KCNJ3: variants seen among roughly 807,000 people sequenced by gnomAD.
KCNJ3 encodes potassium inwardly rectifying channel subfamily J member 3.
KCNJ3 carries 4 observed loss-of-function variants against 39.2 expected under a neutral mutation model. That is an observed-to-expected ratio of 0.10 (90% confidence interval 0.05 to 0.23). The LOEUF (loss-of-function observed/expected upper bound fraction) is 0.23. KCNJ3 is among the 10% of genes least tolerant of loss of function. KCNJ3 has a pLI of 1.00. For synonymous variants in KCNJ3, 230 were observed against 237.4 expected (o/e 0.97, Z 0.29); for missense variants, 276 against 634.9 (o/e 0.43, Z 6.08).
At position 154,817,920 on chromosome 2, in the gene KCNJ3, G is replaced by A. The variant is rs533408197; in HGVS notation, c.920-36807G>A. Among the ~76,000 whole-genome samples the A allele has an allele frequency of 1.3e-4, 19 of 151,748 alleles. No homozygotes were observed. In the East Asian group the frequency reaches 2.0e-3, roughly 16 times the overall value. ...GATTTAAAGCATGGTCAATAAAAAC[G>A]TGTCCAACGATGTCATATTTATTAA... On this transcript the variant is annotated intron_variant, in intron 2 of 2. Transcript: ENST00000295101.
chr2:154,775,773 G>A (rs182591969), intron 2 of KCNJ3, among the ~76,000 whole-genome samples: 10 of 152,144 alleles, frequency 6.6e-5, no homozygotes, highest in African/African-American at 2.2e-4. Context: ...AAGTAATTGC[G>A]TAAAACATGA....
intron 2 of KCNJ3, among the ~76,000 whole-genome samples, chr2:154,849,018 C>T (rs145992073): frequency 6.6e-6 from 1 of 152,104 alleles, no homozygotes; most frequent in African/African-American, 2.4e-5. Context: ...TCTTTTGTTT[C>T]TTCTTTTGCC....
Position 154,699,453 on chromosome 2 carries a change from G to A in KCNJ3, c.678G>A (p.Ala226=), listed in dbSNP as rs138941246. Reference sequence around the variant, plus strand: ...TGCGCAACAGCCACATGGTCTCCGCGCAGATTCGCTGCAAGCTGCTCAAAG... The same window carrying A: ...TGCGCAACAGCCACATGGTCTCCGCACAGATTCGCTGCAAGCTGCTCAAAG... The part of the protein sequence containing the change: ...GNLRNSHMVS[A]QIRCKLLKSR... Residue 226 remains alanine (A), a synonymous_variant, in exon 1 of 3, where the codon GCG becomes GCA. Coordinates refer to ENST00000295101, the MANE Select transcript of KCNJ3 (RefSeq NM_002239.4). The surrounding 1 kb of genome is among the most constrained non-coding windows in gnomAD (Gnocchi z 6.4). 166 of 1,597,118 alleles carry A rather than the reference G, an allele frequency of 1.0e-4. No individual in the cohort carries two copies. Among genetic ancestry groups the A allele is most frequent in the Non-Finnish European group, 1.3e-4 (159 of 1,178,100 alleles).
chr2:154,845,048 T>C (rs1025003845), intron 2 of KCNJ3, among the ~76,000 whole-genome samples: 9 of 152,218 alleles, frequency 5.9e-5, no homozygotes, highest in African/African-American at 1.9e-4. Context: ...CATTGGGAGC[T>C]GTAGACCAGA....
At chr2:154,780,058 A>G (rs1215932644) in intron 2 of KCNJ3, among the ~76,000 whole-genome samples, 1 of 152,178 alleles carries the variant, frequency 6.6e-6, no homozygotes, top group African/African-American at 2.4e-5. Context: ...GTACTGTGGG[A>G]ATACAGAGAA....
intron 2 of KCNJ3, among the ~76,000 whole-genome samples, chr2:154,730,967 A>G (rs1262207390): frequency 1.3e-5 from 2 of 152,140 alleles, no homozygotes; most frequent in Non-Finnish European, 2.9e-5. Context: ...AAAAAGAAGT[A>G]AGAATATAAT....
intron 2 of KCNJ3, among the ~76,000 whole-genome samples, chr2:154,783,005 C>T (rs575459877): frequency 1.3e-5 from 2 of 152,122 alleles, no homozygotes; most frequent in South Asian, 2.1e-4. Context: ...GGGGAAACCC[C>T]GTCTCTACTA....
chr2:154,751,148 A>C (rs1685838808), intron 2 of KCNJ3, among the ~76,000 whole-genome samples: 1 of 151,986 alleles, frequency 6.6e-6, no homozygotes. Flanking sequence ...ACCTATGGAA[A>C]TAAAAAAATT....
chr2:154,779,525 A>T (rs56770941), intron 2 of KCNJ3, among the ~76,000 whole-genome samples: 14,336 of 145,688 alleles, frequency 0.098, 770 homozygotes, highest in East Asian at 0.19. Context: ...TATTTTTTAT[A>T]TATATAGTTA....
intron 2 of KCNJ3, among the ~76,000 whole-genome samples, chr2:154,767,708 G>A (rs188479075): frequency 7.0e-4 from 107 of 152,244 alleles, no homozygotes; most frequent in African/African-American, 2.4e-3. Flanking sequence ...ACCCAGTAAT[G>A]GGATGGCTGG....
chr2:154,747,364 G>T (rs756811841), intron 2 of KCNJ3, among the ~76,000 whole-genome samples: 1 of 151,904 alleles, frequency 6.6e-6, no homozygotes, highest in Non-Finnish European at 1.5e-5. Flanking sequence ...AATTGAAAAG[G>T]TTTAATTAAC....
intron 2 of KCNJ3, among the ~76,000 whole-genome samples, chr2:154,809,232 A>G (rs1271821511): frequency 1.3e-5 from 2 of 152,034 alleles, no homozygotes; most frequent in Admixed American, 1.3e-4. Flanking sequence ...GAAACCTGCA[A>G]CTCCTGGTAA....
chr2:154,735,436 A>G (rs1390895116), intron 2 of KCNJ3, among the ~76,000 whole-genome samples: 1 of 152,062 alleles, frequency 6.6e-6, no homozygotes, highest in Non-Finnish European at 1.5e-5. Flanking sequence ...CTTATTCTAT[A>G]TTCCTGTTAA....
At chr2:154,756,735 A>G (rs1017746888) in intron 2 of KCNJ3, among the ~76,000 whole-genome samples, 2 of 152,120 alleles carry the variant, frequency 1.3e-5, no homozygotes, top group Non-Finnish European at 1.5e-5. Flanking sequence ...CGTCCTGCAC[A>G]TGTACCCCGG....
intron 2 of KCNJ3, among the ~76,000 whole-genome samples, chr2:154,844,161 A>G (rs983854097): frequency 2.0e-5 from 3 of 151,960 alleles, no homozygotes; most frequent in East Asian, 1.9e-4. Context: ...TGTTGATGCT[A>G]TTCCTTTCTG....
At chr2:154,714,464 T>C (rs3106655) in intron 2 of KCNJ3, among the ~76,000 whole-genome samples, 12,831 of 152,180 alleles carry the variant, frequency 0.084, 1,179 homozygotes, top group African/African-American at 0.22. Context: ...GTCTAGATAT[T>C]TCCTTTCTTT....
At chr2:154,784,056 G>T (rs1207704724) in intron 2 of KCNJ3, among the ~76,000 whole-genome samples, 3 of 152,054 alleles carry the variant, frequency 2.0e-5, no homozygotes, top group Non-Finnish European at 2.9e-5. Flanking sequence ...AAAATTTGAG[G>T]TTTATAAAAT....
At chr2:154,800,756 T>C (rs2105216437) in intron 2 of KCNJ3, among the ~76,000 whole-genome samples, 1 of 152,322 alleles carries the variant, frequency 6.6e-6, no homozygotes, top group East Asian at 1.9e-4. Flanking sequence ...AGAAATGCAT[T>C]TTAAATCCCA....
At chr2:154,708,520 A>G (rs374671234) in intron 1 of KCNJ3, among the ~76,000 whole-genome samples, 2 of 152,170 alleles carry the variant, frequency 1.3e-5, no homozygotes, top group Non-Finnish European at 2.9e-5. Flanking sequence ...CAATGGATTC[A>G]TCAGTCCTAT....
Sources: gnomAD v4.1 joint callset for allele counts (sites outside exome capture counted in the v4.1 genomes callset) on GRCh38, gnomAD v4.1.1 for gene constraint, Gnocchi (gnomAD v3.1) non-coding constraint, MANE v1.5 for transcripts, NCBI Gene and HGNC (gene_info 2026-07-23, HGNC 2026-07-21) for gene names.